Variants in TUB observed in about 807,000 individuals in gnomAD.
TUB encodes the protein tubby protein homolog.
In TUB, 33 loss-of-function variants were observed where a neutral mutation model predicts 59.7. That is an observed-to-expected ratio of 0.55 (90% confidence interval 0.42 to 0.74). TUB has a LOEUF of 0.74. Among genes scored for constraint, TUB ranks in the 30% least tolerant of loss-of-function variants. The pLI, the probability that TUB is intolerant of heterozygous loss-of-function variation, is 0.00. For synonymous variants in TUB, 293 were observed against 256.4 expected (o/e 1.14, Z -1.36); for missense variants, 659 against 672.0 (o/e 0.98, Z 0.21).
At chr11:8,069,710 T>G (rs545628571) in intron 2 of TUB, among the ~76,000 whole-genome samples, 1 of 152,308 alleles carries the variant, frequency 6.6e-6, no homozygotes, top group East Asian at 1.9e-4. Context: ...TGTTTTTTTT[T>G]CCTTCCAGAT....
chr11:8,039,146 C>A, intron 1 of TUB: 1 of 1,295,674 alleles, frequency 7.7e-7, no homozygotes, highest in Non-Finnish European at 1.0e-6. Context: ...CCTGATGGTG[C>A]TGCTCCCCTA....
chr11:8,022,516 C>A (rs114753683), intron 1 of TUB, among the ~76,000 whole-genome samples: 2 of 152,166 alleles, frequency 1.3e-5, no homozygotes, highest in South Asian at 2.1e-4. Context: ...AGCTGTTGTC[C>A]GCCTTGCTTC....
intron 2 of TUB, among the ~76,000 whole-genome samples, chr11:8,070,499 T>C (rs144779909): frequency 2.0e-5 from 3 of 152,342 alleles, no homozygotes; most frequent in African/African-American, 7.2e-5. Context: ...AACTTTCTGA[T>C]TCTGGGGGTT....
upstream of TUB, among the ~76,000 whole-genome samples, chr11:8,037,786 C>G (rs1465731132): frequency 1.3e-5 from 2 of 152,098 alleles, no homozygotes; most frequent in East Asian, 3.9e-4. Flanking sequence ...TAGATTCTGT[C>G]CAGAGGAAGT....
At chr11:8,021,915 CAAAA>C (rs5789558) in intron 1 of TUB, among the ~76,000 whole-genome samples, 20 of 116,946 alleles carry the variant, frequency 1.7e-4, no homozygotes, top group Non-Finnish European at 1.4e-4. Context: ...GACTCCAGCT[CAAAA>C]AAAAAAAAAA....
At chr11:8,039,907 T>C (rs1333369259) in intron 2 of TUB, among the ~76,000 whole-genome samples, 1 of 152,228 alleles carries the variant, frequency 6.6e-6, no homozygotes, top group Non-Finnish European at 1.5e-5. Flanking sequence ...GGTTTGTCCC[T>C]CTTGGATCCT....
At chr11:8,099,557 A>C (rs1262556309) in intron 9 of TUB, among the ~76,000 whole-genome samples, 2 of 152,224 alleles carry the variant, frequency 1.3e-5, no homozygotes, top group Non-Finnish European at 2.9e-5. Flanking sequence ...CCAACTAAGC[A>C]TATTGTTTGA....
chr11:8,081,042 C>T (rs1283507034), upstream of TUB, among the ~76,000 whole-genome samples: 1 of 152,094 alleles, frequency 6.6e-6, no homozygotes. Context: ...CCGCCGTTAG[C>T]CGAAGGTGGG....
rs1278032730 is a variant in TUB, at chr11:8,026,278, C to T, written c.56+6920C>T. Reference sequence around the variant, plus strand: ...TTCTTTTCATTTTCTTATGTATTTTCAAGAGAAGTTTTTGCTTTTGATGAA... The same window carrying T: ...TTCTTTTCATTTTCTTATGTATTTTTAAGAGAAGTTTTTGCTTTTGATGAA... On this transcript the variant is annotated intron_variant, in intron 1 of 11. Transcript: ENST00000534099. Among the ~76,000 whole-genome samples the T allele has an allele frequency of 3.3e-5, 5 of 151,748 alleles. No homozygotes were observed. In the East Asian group the frequency reaches 7.7e-4, roughly 23 times the overall value.
chr11:8,061,360 C>T (rs995739805), intron 2 of TUB, among the ~76,000 whole-genome samples: 1 of 152,106 alleles, frequency 6.6e-6, no homozygotes, highest in African/African-American at 2.4e-5. Flanking sequence ...TGTGTGGGGG[C>T]GTGTGCTGTG....
At position 8,097,208 on chromosome 11, in the gene TUB, C is replaced by T. The variant is rs1222895291; in HGVS notation, c.688-20C>T. On this transcript the variant is annotated intron_variant, in intron 6 of 11. Coordinates refer to ENST00000299506, the MANE Select transcript of TUB (RefSeq NM_177972.3). The stretch of plus-strand genomic sequence containing the variant: ...GCTTAGGGTCCTTGGGGCTCAGGCA[C>T]CTATTCTGCATCCCCATAGGAGGCA... 8 of 1,613,482 alleles carry T rather than the reference C, an allele frequency of 5.0e-6. No homozygotes were observed. The highest frequency in any genetic ancestry group is 2.2e-5 in the South Asian group (2 of 91,052).
chr11:8,059,278 C>T (rs1943077335), intron 2 of TUB, among the ~76,000 whole-genome samples: 1 of 152,090 alleles, frequency 6.6e-6, no homozygotes. Flanking sequence ...GTGGTCACTG[C>T]CTGTATGGAG....
Position 8,090,052 on chromosome 11 carries a change from CCT to C in TUB, c.91-14_91-13del, listed in dbSNP as rs751242481. The stretch of plus-strand genomic sequence containing the variant: ...CTGGTGGAGGCAGTGGGTCAGCCAA[CCT>C]CTGTGCCTCCATAGCGGGCCCTGCT... On this transcript the variant is annotated splice_polypyrimidine_tract_variant and intron_variant, in intron 2 of 11. Coordinates refer to ENST00000299506, the MANE Select transcript of TUB (RefSeq NM_177972.3). The C allele has an allele frequency of 1.3e-6, 2 of 1,582,664 alleles. No individual in the cohort carries two copies.
exon 1 of TUB, chr11:8,038,895 C>T (rs1426660447): frequency 4.3e-6 from 7 of 1,613,930 alleles, no homozygotes. Flanking sequence ...GACACCTTTG[C>T]CTTCTTTCTG....
chr11:8,079,791 G>A (rs1293657873), upstream of TUB, among the ~76,000 whole-genome samples: 2 of 152,136 alleles, frequency 1.3e-5, no homozygotes, highest in Non-Finnish European at 2.9e-5. Flanking sequence ...CAGACCTTTT[G>A]TGTGTGAATG....
chr11:8,038,271 A>G (rs945696286), upstream of TUB, among the ~76,000 whole-genome samples: 4 of 152,184 alleles, frequency 2.6e-5, no homozygotes, highest in East Asian at 1.9e-4. Flanking sequence ...GATGTTCTCA[A>G]TGTAAGAGTT....
Position 8,089,627 on chromosome 11 carries a change from G to A in TUB, c.56G>A (p.Gly19Asp). The A allele has an allele frequency of 1.2e-6, 2 of 1,614,210 alleles. No homozygotes were observed. Among genetic ancestry groups the A allele is most frequent in the South Asian group, 1.1e-5 (1 of 91,082 alleles). ...CTCTGCAGTGTCTTAGATGATGAGG[G>A]CAGAAACCTGAGGCAGCAGAAGCTT... is the stretch of plus-strand genomic sequence containing the variant. ...WIPYSVLDDE[G>D]RNLRQQKLDR... Residue 19 changes from glycine to aspartate, a missense_variant, in exon 2 of 12, where the codon GGC becomes GAC. By Grantham distance (94) the Gly-to-Asp change is moderately conservative (BLOSUM62 -1). Transcript: ENST00000299506.
In TUB at chr11:8,084,883, C is replaced by T. The variant is rs537866148; in HGVS notation, c.38+3335C>T. Among the ~76,000 whole-genome samples, 148 of 152,324 alleles carry T rather than the reference C, an allele frequency of 9.7e-4. 1 individual carries two copies. Among genetic ancestry groups the T allele is most frequent in the Middle Eastern group, 3.4e-3 (1 of 294 alleles). ...GAATCTCAGACTGGAAGAGCCTTTA[C>T]AGGTCATCTAGTTCTCCGTGTGGAT... On this transcript the variant is annotated intron_variant, in intron 1 of 11. Transcript: ENST00000299506.
At chr11:8,042,049 G>T (rs775532504) in intron 2 of TUB, among the ~76,000 whole-genome samples, 1 of 152,078 alleles carries the variant, frequency 6.6e-6, no homozygotes, top group Admixed American at 6.5e-5. Context: ...GTTTTAAGTT[G>T]TATGACCATC....
Sources: allele counts gnomAD v4.1 joint callset (sites outside exome capture counted in the v4.1 genomes callset), GRCh38; gene constraint gnomAD v4.1.1; transcripts MANE v1.5; gene names NCBI Gene and HGNC (gene_info 2026-07-23, HGNC 2026-07-21).